CPSF6: variants seen among roughly 807,000 people sequenced by gnomAD.
CPSF6 encodes the protein cleavage and polyadenylation specific factor 6.
In CPSF6, 10 loss-of-function variants were observed where a neutral mutation model predicts 56.7. The observed-to-expected ratio is 0.18, with a 90% CI of 0.11 to 0.30. The LOEUF is 0.30. Among genes scored for constraint, CPSF6 ranks in the 10% least tolerant of loss-of-function variants. The pLI is 1.00. For missense variants in CPSF6, 419 were observed against 722.9 expected (o/e 0.58, Z 4.82); for synonymous variants, 248 against 244.8 (o/e 1.01, Z -0.12).
chr12:69,253,003 AAT>A lies in CPSF6; in HGVS notation c.271-47_271-46del, dbSNP rs573727435. 3.8e-4 allele frequency: 419 copies of A among 1,089,956 alleles called. 7 individuals carry two copies. In the South Asian group the frequency reaches 6.1e-3, roughly 16 times the overall value. The allele number at this position is 1,089,956 out of a possible 1,614,324, so 67.5% of individuals were successfully genotyped here. A position where few individuals can be genotyped will look rare whatever the true frequency, so the allele number is the denominator to read the frequency against. ...TTAAAAACTAGACTGGGATAATAAA[AAT>A]CTTGGTTTTATTTTAATGGTTAATG... On this transcript the variant is annotated intron_variant, in intron 2 of 9. Transcript: ENST00000435070.
rs771694031 is a variant in CPSF6 at position 69,259,546 on chromosome 12, T to G, written c.1315+3T>G. 1.9e-6 allele frequency: 3 copies of G among 1,604,650 alleles called. No individual in the cohort carries two copies. The highest frequency in any genetic ancestry group is 2.5e-6 in the Non-Finnish European group (3 of 1,176,630). On this transcript the variant is annotated splice_donor_region_variant and intron_variant, in intron 7 of 9. Coordinates refer to ENST00000435070, the MANE Select transcript of CPSF6 (RefSeq NM_007007.3). The stretch of plus-strand genomic sequence containing the variant: ...AGCTGTGTCTGATGCCAGTGCTGGT[T>G]TGTGTATTTCTTGTATTAATATTTC...
At chr12:69,242,829 G>A (rs546431552) in intron 1 of CPSF6, among the ~76,000 whole-genome samples, 90 of 152,158 alleles carry the variant, frequency 5.9e-4, no homozygotes, top group African/African-American at 2.1e-3. Context: ...ATTGTTTAGC[G>A]CGAGTGTGGT....
At chr12:69,266,286 A>G (rs1437325084) in intron 9 of CPSF6, among the ~76,000 whole-genome samples, 1 of 152,146 alleles carries the variant, frequency 6.6e-6, no homozygotes. Flanking sequence ...TATGTATGCT[A>G]GCTTTCATTG....
At chr12:69,256,603 G>C in intron 3 of CPSF6, 94 bp from the exon 4 acceptor site, 1 of 1,284,476 alleles carries the variant, frequency 7.8e-7, no homozygotes, top group South Asian at 1.5e-5. Flanking sequence ...TGTTGTTTTA[G>C]ATAAAAGCAG....
chr12:69,258,307 A>T lies in CPSF6; in HGVS notation c.695-283A>T, dbSNP rs1872593826. 1 of 602,046 alleles carries T rather than the reference A, an allele frequency of 1.7e-6. No individual in the cohort carries two copies. The highest frequency in any genetic ancestry group is 2.3e-5 in the South Asian group (1 of 43,606). 37.3% of individuals were successfully genotyped at this position (602,046 alleles called of 1,614,324 possible). A position where few individuals can be genotyped will look rare whatever the true frequency, so the allele number is the denominator to read the frequency against. The stretch of plus-strand genomic sequence containing the variant: ...TAAGGTGGGTGATTTCACTGTAAGA[A>T]GTGTGTGTACACGGAAAGATGGAAA... On this transcript the variant is annotated intron_variant, in intron 5 of 9. Transcript: ENST00000435070. The surrounding 1 kb of genome is among the most constrained non-coding windows in gnomAD (Gnocchi z 4.2).
intron 2 of CPSF6, among the ~76,000 whole-genome samples, chr12:69,251,665 A>G (rs1022491521): frequency 6.6e-6 from 1 of 152,164 alleles, no homozygotes; most frequent in South Asian, 2.1e-4. Context: ...TAATGCTCAC[A>G]TGGGGTCTCA....
chr12:69,241,374 A>G (rs1484020398), intron 1 of CPSF6, among the ~76,000 whole-genome samples: 4 of 152,190 alleles, frequency 2.6e-5, no homozygotes, highest in African/African-American at 9.6e-5. Flanking sequence ...TTATTTATCA[A>G]ATGAATATAA....
intron 1 of CPSF6, among the ~76,000 whole-genome samples, chr12:69,246,637 G>A (rs561419574): frequency 6.6e-6 from 1 of 152,096 alleles, no homozygotes; most frequent in Non-Finnish European, 1.5e-5. Flanking sequence ...TATGCATTAG[G>A]TTATCTGCTA....
rs1872340305 is a variant in CPSF6, at chr12:69,253,285, T to C, written c.374+131T>C. 3 of 475,584 alleles carry C rather than the reference T, an allele frequency of 6.3e-6. No homozygotes were observed. The South Asian group carries it at 1.2e-4, about 20-fold the overall frequency. The allele number at this position is 475,584 out of a possible 1,614,324, so 29.5% of individuals were successfully genotyped here. A position where few individuals can be genotyped will look rare whatever the true frequency, so the allele number is the denominator to read the frequency against. On this transcript the variant is annotated intron_variant, in intron 3 of 9. Coordinates refer to ENST00000435070, the MANE Select transcript of CPSF6 (RefSeq NM_007007.3). ...ACAAACAACACATGATTGTTTACAT[T>C]GGAAGGAGGTTCTTGGGCAAAGATT...
Position 69,272,869 on chromosome 12 carries a change from AGTGTGT to A in CPSF6, c.*3384_*3389del, listed in dbSNP as rs3051105. Reference sequence around the variant, plus strand: ...AAGCATTCTATTTTTCTGTTCTTACAGTGTGTGTGTGTGTGTGTGTGTGTGTGTATG... The same window carrying A: ...AAGCATTCTATTTTTCTGTTCTTACAGTGTGTGTGTGTGTGTGTGTGTATG... On this transcript the variant is annotated 3_prime_UTR_variant, in exon 10 of 10. Coordinates refer to ENST00000435070, the MANE Select transcript of CPSF6 (RefSeq NM_007007.3). The A allele has an allele frequency of 4.2e-3, 641 of 154,222 alleles. No individual in the cohort carries two copies. The highest frequency in any genetic ancestry group is 6.6e-3 in the Non-Finnish European group (466 of 70,274). 9.6% of individuals were successfully genotyped at this position (154,222 alleles called of 1,614,324 possible). A position where few individuals can be genotyped will look rare whatever the true frequency, so the allele number is the denominator to read the frequency against.
intron 9 of CPSF6, among the ~76,000 whole-genome samples, chr12:69,267,959 T>C (rs964938923): frequency 1.3e-5 from 2 of 151,872 alleles, no homozygotes; most frequent in African/African-American, 4.8e-5. Context: ...AAGAGTTGAA[T>C]ATTTTTGTTT....
Position 69,258,031 on chromosome 12 carries a change from C to T in CPSF6, c.694+126C>T. The T allele has an allele frequency of 3.2e-6, 5 of 1,539,934 alleles. No individual in the cohort carries two copies. The South Asian group carries it at 5.9e-5, about 18-fold the overall frequency. ...CTCCTTGTTATGCTATTTTTGGAATCCAGGAAATTTGATCAAGCATCTTGT... is the reference window on the plus strand; with the variant it reads ...CTCCTTGTTATGCTATTTTTGGAATTCAGGAAATTTGATCAAGCATCTTGT... On this transcript the variant is annotated intron_variant, in intron 5 of 9. Coordinates refer to ENST00000435070, the MANE Select transcript of CPSF6 (RefSeq NM_007007.3). The surrounding 1 kb of genome is among the most constrained non-coding windows in gnomAD (Gnocchi z 4.2).
intron 2 of CPSF6, chr12:69,252,331 A>C (rs1872289870): frequency 2.2e-5 from 6 of 278,608 alleles, no homozygotes. Context: ...TGATCCTCCT[A>C]ACCAAGCTCT....
intron 4 of CPSF6, 96 bp downstream of exon 4, chr12:69,256,938 A>C: frequency 2.7e-4 from 268 of 1,004,924 alleles, no homozygotes; most frequent in Non-Finnish European, 3.3e-4. Flanking sequence ...ATACTAGCTC[A>C]CTAGGAACTC....
chr12:69,247,472 T>G (rs1203067168), intron 1 of CPSF6, among the ~76,000 whole-genome samples: 1 of 152,078 alleles, frequency 6.6e-6, no homozygotes, highest in Non-Finnish European at 1.5e-5. Context: ...TTGGGCAACA[T>G]TTGGTATCAA....
rs1234660828 is a variant in CPSF6, at chr12:69,271,037, T to G, written c.*1529T>G. Reference sequence around the variant, plus strand: ...GCAACTGTAGAAACCCTCCAGAAATTTCCACTGCTGTTCTTCACTTTCATC... The same window carrying G: ...GCAACTGTAGAAACCCTCCAGAAATGTCCACTGCTGTTCTTCACTTTCATC... On this transcript the variant is annotated 3_prime_UTR_variant, in exon 10 of 10. Transcript: ENST00000435070. The G allele has an allele frequency of 1.3e-5, 2 of 151,822 alleles. No individual in the cohort carries two copies. The highest frequency in any genetic ancestry group is 6.6e-5 in the Admixed American group (1 of 15,220). 9.4% of individuals were successfully genotyped at this position (151,822 alleles called of 1,614,324 possible).
intron 1 of CPSF6, 43 bp from the exon 2 acceptor site, chr12:69,251,086 T>G (rs1418553790): frequency 2.6e-6 from 4 of 1,553,788 alleles, no homozygotes; most frequent in African/African-American, 1.4e-5. Flanking sequence ...TTTAGTAGTA[T>G]TTTGACTTTT....
At chr12:69,257,955 T>C (rs1872581349) in intron 5 of CPSF6, 50 bp downstream of exon 5, 1 of 1,588,262 alleles carries the variant, frequency 6.3e-7, no homozygotes, top group African/African-American at 1.4e-5. Context: ...ACCTAATACC[T>C]CTTTTCCTTT....
rs546304764 is a variant in CPSF6 at position 69,262,915 on chromosome 12, CAG to C, written c.*3+354_*3+355del. Among the ~76,000 whole-genome samples the C allele has an allele frequency of 3.5e-3, 527 of 152,104 alleles. 2 individuals carry two copies. The highest frequency in any genetic ancestry group is 0.011 in the African/African-American group (469 of 41,498). The stretch of plus-strand genomic sequence containing the variant: ...TGCATGCAATTTAAAATACAAAACA[CAG>C]GGAGTTATTTCACATATATGTTATG... On this transcript the variant is annotated intron_variant, in intron 9 of 9. Transcript: ENST00000435070.
Sources: allele counts gnomAD v4.1 joint callset (sites outside exome capture counted in the v4.1 genomes callset), GRCh38; gene constraint gnomAD v4.1.1; non-coding constraint Gnocchi (gnomAD v3.1); transcripts MANE v1.5; gene names NCBI Gene and HGNC (gene_info 2026-07-23, HGNC 2026-07-21).